The following BMP6 variants were observed in gnomAD, a reference collection of about 807,000 sequenced individuals.
BMP6 encodes VG-1-R.
In BMP6, 17 loss-of-function variants were observed where a neutral mutation model predicts 54.1. The observed-to-expected ratio is 0.31, with a 90% CI of 0.22 to 0.47. BMP6 has a LOEUF of 0.47. Ranked by LOEUF, BMP6 falls within the 20% of genes least tolerant of loss-of-function variation. The pLI is 1.00. For synonymous variants in BMP6, 328 were observed against 291.2 expected (o/e 1.13, Z -1.28); for missense variants, 720 against 690.4 (o/e 1.04, Z -0.48).
rs539497129 is a variant in BMP6, at chr6:7,814,084, C to T, written c.665-31056C>T. 2.0e-5 allele frequency among the ~76,000 whole-genome samples: 3 copies of T among 152,332 alleles called. No homozygotes were observed. The East Asian group carries it at 5.8e-4, about 29-fold the overall frequency. ...GTATTTCTCACCAAGTGGCCCTTTCCATCTTCATAGCCAATAACAGCTCAT... is the reference window on the plus strand; with the variant it reads ...GTATTTCTCACCAAGTGGCCCTTTCTATCTTCATAGCCAATAACAGCTCAT... On this transcript the variant is annotated intron_variant, in intron 1 of 6. Transcript: ENST00000283147.
chr6:7,782,210 G>A (rs1757959089), intron 1 of BMP6, among the ~76,000 whole-genome samples: 1 of 143,080 alleles, frequency 7.0e-6, no homozygotes, highest in South Asian at 2.1e-4. Context: ...GGAAGGGAGG[G>A]TACCTTCTTC....
intron 1 of BMP6, among the ~76,000 whole-genome samples, chr6:7,787,987 G>C (rs1402614113): frequency 6.6e-6 from 1 of 151,872 alleles, no homozygotes; most frequent in African/African-American, 2.4e-5. Context: ...TTGATGAAAC[G>C]ATCAACCCAG....
At chr6:7,825,734 C>A (rs1359912287) in intron 1 of BMP6, among the ~76,000 whole-genome samples, 7 of 148,924 alleles carry the variant, frequency 4.7e-5, no homozygotes, top group South Asian at 4.3e-4. Flanking sequence ...AAAAAAAAAA[C>A]AAAAACCAAA....
At chr6:7,856,120 TAAAAAAAAA>T (rs56264814) in intron 2 of BMP6, among the ~76,000 whole-genome samples, 27 of 83,664 alleles carry the variant, frequency 3.2e-4, no homozygotes, top group African/African-American at 1.1e-3. Flanking sequence ...TCAAAGACTG[TAAAAAAAAA>T]AAAAAAAAAA....
chr6:7,808,653 C>G (rs1293018342), intron 1 of BMP6, among the ~76,000 whole-genome samples: 1 of 152,088 alleles, frequency 6.6e-6, no homozygotes, highest in Non-Finnish European at 1.5e-5. Flanking sequence ...GTGGCTCATG[C>G]CTATAATTCC....
At chr6:7,814,509 T>C (rs1462123567) in intron 1 of BMP6, among the ~76,000 whole-genome samples, 2 of 152,224 alleles carry the variant, frequency 1.3e-5, no homozygotes, top group African/African-American at 4.8e-5. Context: ...TTCTTTCACA[T>C]ACAGTGTACA....
intron 1 of BMP6, among the ~76,000 whole-genome samples, chr6:7,727,904 G>C (rs1417538233): frequency 6.7e-6 from 1 of 150,186 alleles, no homozygotes; most frequent in African/African-American, 2.4e-5. Flanking sequence ...GCGTGTATTT[G>C]CGGACTCCCT....
intron 4 of BMP6, among the ~76,000 whole-genome samples, chr6:7,873,817 A>G (rs1042580459): frequency 1.3e-5 from 2 of 152,010 alleles, no homozygotes; most frequent in Non-Finnish European, 2.9e-5. Flanking sequence ...CACACTGCCC[A>G]TGTCTGCTTG....
intron 1 of BMP6, 128 bp downstream of exon 1, chr6:7,727,747 G>A (rs1035789366): frequency 1.7e-6 from 2 of 1,173,846 alleles, no homozygotes; most frequent in Non-Finnish European, 2.2e-6. Context: ...CAGAGAACGC[G>A]GGGACAGGCA....
rs1759683783 is a variant in BMP6, at chr6:7,879,839, G to C, written c.1282-152G>C. 6.2e-6 allele frequency: 5 copies of C among 800,148 alleles called. No individual in the cohort carries two copies. In the Admixed American group the frequency reaches 9.3e-5, roughly 15 times the overall value. The allele number at this position is 800,148 out of a possible 1,614,324, so 49.6% of individuals were successfully genotyped here. On this transcript the variant is annotated intron_variant, in intron 5 of 6. Coordinates refer to ENST00000283147, the MANE Select transcript of BMP6 (RefSeq NM_001718.6). ...GGTTCACTTCCCAGCATTGCCACTT[G>C]AATGTGAACTTGGACAAATTCCTAA...
chr6:7,862,103 T>G (rs1759344199), intron 3 of BMP6, among the ~76,000 whole-genome samples, 198 bp from the exon 4 acceptor site: 1 of 152,128 alleles, frequency 6.6e-6, no homozygotes, highest in African/African-American at 2.4e-5. Flanking sequence ...TTCTGAAACT[T>G]TGAAAGGAGT....
chr6:7,727,947 C>T (rs989375276), intron 1 of BMP6, among the ~76,000 whole-genome samples: 2 of 151,994 alleles, frequency 1.3e-5, no homozygotes, highest in Admixed American at 6.5e-5. Flanking sequence ...CACTTCTGCC[C>T]AGCTCTGGCC....
At chr6:7,818,031 G>T (rs1012324844) in intron 1 of BMP6, among the ~76,000 whole-genome samples, 1 of 152,180 alleles carries the variant, frequency 6.6e-6, no homozygotes, top group Non-Finnish European at 1.5e-5. Flanking sequence ...AATTGGACTG[G>T]ATACTTGAAA....
intron 1 of BMP6, among the ~76,000 whole-genome samples, chr6:7,731,159 C>G (rs1761849854): frequency 6.6e-6 from 1 of 152,324 alleles, no homozygotes; most frequent in Admixed American, 6.5e-5. Context: ...CGTCTGCTGC[C>G]TGGGCTGCTG....
intron 1 of BMP6, among the ~76,000 whole-genome samples, chr6:7,772,168 C>T (rs1432908263): frequency 6.6e-6 from 1 of 152,150 alleles, no homozygotes; most frequent in African/African-American, 2.4e-5. Flanking sequence ...CTCTATTTTA[C>T]AGACCACTCT....
At chr6:7,867,953 A>T (rs190976520) in intron 4 of BMP6, among the ~76,000 whole-genome samples, 1 of 152,230 alleles carries the variant, frequency 6.6e-6, no homozygotes, top group Admixed American at 6.5e-5. Flanking sequence ...CAATAAGAAG[A>T]AGCTTATGCA....
Position 7,881,138 on chromosome 6 carries a change from G to A in BMP6, c.*795G>A, listed in dbSNP as rs1459086249. 1.3e-5 allele frequency: 2 copies of A among 151,840 alleles called. No individual in the cohort carries two copies. The highest frequency in any genetic ancestry group is 2.1e-4 in the South Asian group (1 of 4,824). The allele number at this position is 151,840 out of a possible 1,614,324, so 9.4% of individuals were successfully genotyped here. ...CCAGCACATTAACTTCTGGACTGCC[G>A]GCTCTAGTACCTTTTCAGTAAAGTG... On this transcript the variant is annotated 3_prime_UTR_variant, in exon 7 of 7. Transcript: ENST00000283147.
chr6:7,880,357 G>A lies in BMP6; in HGVS notation c.*14G>A. On this transcript the variant is annotated 3_prime_UTR_variant, in exon 7 of 7. Transcript: ENST00000283147. ...GGATGCCACTAACTCGAAACCAGAT[G>A]CTGGGGACACACATTCTGCCTTGGA... is the stretch of plus-strand genomic sequence containing the variant. 1 of 1,613,832 alleles carries A rather than the reference G, an allele frequency of 6.2e-7. No homozygotes were observed. Among genetic ancestry groups the A allele is most frequent in the Non-Finnish European group, 8.5e-7 (1 of 1,179,744 alleles).
At chr6:7,737,345 G>A (rs984694450) in intron 1 of BMP6, among the ~76,000 whole-genome samples, 1 of 152,144 alleles carries the variant, frequency 6.6e-6, no homozygotes, top group African/African-American at 2.4e-5. Context: ...CCATGGGCAG[G>A]ACTAAGGTGT....
Sources: allele counts gnomAD v4.1 joint callset (sites outside exome capture counted in the v4.1 genomes callset), GRCh38; gene constraint gnomAD v4.1.1; transcripts MANE v1.5; gene names NCBI Gene and HGNC (gene_info 2026-07-23, HGNC 2026-07-21).